The following GCNT4 variants were observed in gnomAD, a reference collection of about 807,000 sequenced individuals.
The protein encoded by GCNT4 is glucosaminyl (N-acetyl) transferase 4, also known as beta-1,3-galactosyl-O-glycosyl-glycoprotein beta-1,6-N-acetylglucosaminyltransferase 4.
A neutral mutation model predicts 31.3 loss-of-function variants in GCNT4; 17 were observed. The observed-to-expected ratio is 0.54, with a 90% confidence interval of 0.37 to 0.81. The LOEUF is 0.81. GCNT4 is among the 40% of genes least tolerant of loss of function. GCNT4 has a pLI of 0.00. For missense variants in GCNT4, 503 were observed against 525.5 expected, an observed-to-expected ratio of 0.96 and a Z score of 0.42; for synonymous variants, 158 against 190.6, an observed-to-expected ratio of 0.83 and a Z score of 1.41.
chr5:75,029,090 G>T lies in GCNT4; in HGVS notation c.948C>A (p.Phe316Leu). Residue 316 changes from phenylalanine to leucine, a missense_variant, in exon 4 of 4, where the codon TTC (phenylalanine) becomes TTA (leucine). Physicochemically the swap from Phe to Leu is conservative, Grantham distance 22 (BLOSUM62 0). Transcript: ENST00000652361. ...VLSQAFVKYIFNNSIVQDFFA... is the reference protein window; with the variant it reads ...VLSQAFVKYILNNSIVQDFFA... The stretch of plus-strand genomic sequence containing the variant: ...AAAAGTCTTGAACGATGGAGTTGTT[G>T]AAAATATATTTAACAAATGCTTGAC... The T allele has an allele frequency of 6.2e-7, 1 of 1,614,086 alleles. No homozygotes were observed. Among genetic ancestry groups the T allele is most frequent in the Non-Finnish European group, 8.5e-7 (1 of 1,179,990 alleles).
At chr5:75,051,807 C>T (rs1174524496) in intron 2 of GCNT4, among the ~76,000 whole-genome samples, 1 of 152,142 alleles carries the variant, frequency 6.6e-6, no homozygotes, top group African/African-American at 2.4e-5. Context: ...AGAGTATAAA[C>T]CTTCTCATCC....
downstream of GCNT4, among the ~76,000 whole-genome samples, chr5:75,025,066 A>G (rs1742927145): frequency 6.6e-6 from 1 of 152,198 alleles, no homozygotes; most frequent in African/African-American, 2.4e-5. Context: ...TCCATAAAGT[A>G]ATCAAGCAAA....
At chr5:75,019,719 A>G in the GCNT4 span, among the ~76,000 whole-genome samples, 12 of 152,238 alleles carry the variant, frequency 7.9e-5, no homozygotes, top group Non-Finnish European at 1.3e-4. Context: ...ATATTAATGC[A>G]ATATATGTAT....
downstream of GCNT4, among the ~76,000 whole-genome samples, chr5:75,024,950 CAAAAAAAAA>C (rs1239662355): frequency 2.5e-5 from 1 of 40,538 alleles, no homozygotes; most frequent in Non-Finnish European, 4.9e-5. Flanking sequence ...GACTCCATCT[CAAAAAAAAA>C]AAAAAAAAAA....
intron 3 of GCNT4, chr5:75,030,291 T>C (rs775369859): frequency 1.2e-4 from 51 of 436,090 alleles, no homozygotes; most frequent in African/African-American, 8.4e-4. Flanking sequence ...GGGAAGGTAA[T>C]GTAAACTCCT....
At position 75,026,799 on chromosome 5, in the gene GCNT4, T is replaced by G. The variant is rs1332649753; in HGVS notation, c.*1877A>C. On this transcript the variant is annotated 3_prime_UTR_variant, in exon 4 of 4. Coordinates refer to ENST00000652361, the MANE Select transcript of GCNT4 (RefSeq NM_001366737.1). ...CACGAGTGAACTGGTATGGATCTTT[T>G]GCAGAACTTGGCTCTATACAATGTT... The G allele has an allele frequency of 1.3e-5, 2 of 152,150 alleles. No homozygotes were observed. The highest frequency in any genetic ancestry group is 2.9e-5 in the Non-Finnish European group (2 of 68,036). The allele number at this position is 152,150 out of a possible 1,614,324, so 9.4% of individuals were successfully genotyped here. A position where few individuals can be genotyped will look rare whatever the true frequency, so the allele number is the denominator to read the frequency against.
At chr5:75,041,432 G>A (rs1475930002) in intron 3 of GCNT4, among the ~76,000 whole-genome samples, 2 of 152,174 alleles carry the variant, frequency 1.3e-5, no homozygotes, top group African/African-American at 2.4e-5. Flanking sequence ...CATCTTCCCT[G>A]AATAAAGGAC....
At chr5:75,039,595 A>T (rs1743273731) in intron 3 of GCNT4, among the ~76,000 whole-genome samples, 1 of 152,196 alleles carries the variant, frequency 6.6e-6, no homozygotes, top group Non-Finnish European at 1.5e-5. Flanking sequence ...ACTATGGTCC[A>T]ATTTCAGAGC....
At chr5:75,033,570 T>C (rs777573409) in intron 3 of GCNT4, among the ~76,000 whole-genome samples, 1 of 152,104 alleles carries the variant, frequency 6.6e-6, no homozygotes, top group Non-Finnish European at 1.5e-5. Flanking sequence ...TTGATATCCT[T>C]TGAAAGGAGC....
downstream of GCNT4, among the ~76,000 whole-genome samples, chr5:75,024,950 C>CAAA (rs1239662355): frequency 9.1e-4 from 37 of 40,500 alleles, no homozygotes; most frequent in East Asian, 2.8e-3. Flanking sequence ...GACTCCATCT[C>CAAA]AAAAAAAAAA....
downstream of GCNT4, among the ~76,000 whole-genome samples, chr5:75,024,534 T>C (rs886896140): frequency 6.6e-6 from 1 of 151,124 alleles, no homozygotes; most frequent in Non-Finnish European, 1.5e-5. Context: ...CGGGTGGGGG[T>C]TGATGATAAC....
chr5:75,039,919 A>G (rs537195898), intron 3 of GCNT4, among the ~76,000 whole-genome samples: 13 of 152,342 alleles, frequency 8.5e-5, no homozygotes, highest in African/African-American at 2.4e-4. Flanking sequence ...GTAGAATACA[A>G]TAAGAAATCC....
rs1319879331 is a variant in GCNT4 at position 75,029,170 on chromosome 5, C to T, written c.868G>A (p.Glu290Lys). 1.2e-6 allele frequency: 2 copies of T among 1,613,896 alleles called. No homozygotes were observed. The highest frequency in any genetic ancestry group is 1.7e-5 in the Admixed American group (1 of 60,022). The part of the protein sequence containing the change: ...KLPIRTNISK[E>K]APPHNIQIFV... ...ATCTGAATGTTATGGGGGGGTGCTT[C>T]CTTGGAGATGTTTGTCCTTATTGGT... Residue 290 changes from glutamate to lysine, a missense_variant, in exon 4 of 4, where the codon GAA becomes AAA. By Grantham distance (56) the Glu-to-Lys change is moderately conservative. Transcript: ENST00000652361.
intron 3 of GCNT4, 188 bp downstream of exon 3, chr5:75,047,709 T>G (rs1252384002): frequency 2.7e-5 from 4 of 148,904 alleles, no homozygotes; most frequent in Middle Eastern, 3.5e-3. Context: ...CATTTTAGGG[T>G]TTTTTTTTTA....
In GCNT4 at chr5:75,028,568, TA is replaced by T; in HGVS notation, c.*107del. ...TGTGTATGGAATTTTGGACACCTTT[TA>T]AAATATGGGAGGACTGAGTTTAAAC... On this transcript the variant is annotated 3_prime_UTR_variant, in exon 4 of 4. Coordinates refer to ENST00000652361, the MANE Select transcript of GCNT4 (RefSeq NM_001366737.1). 9.1e-7 allele frequency: 1 copy of T among 1,100,702 alleles called. No homozygotes were observed. The highest frequency in any genetic ancestry group is 1.3e-6 in the Non-Finnish European group (1 of 779,262). The allele number at this position is 1,100,702 out of a possible 1,614,324, so 68.2% of individuals were successfully genotyped here.
At chr5:75,052,943 C>G (rs1743615123), upstream of GCNT4, 1 of 151,966 alleles carries the variant, frequency 6.6e-6, no homozygotes, top group Non-Finnish European at 1.5e-5. Context: ...CCCCTGCTCC[C>G]GGCAAGGGCG....
At chr5:75,017,872 C>T in the GCNT4 span, among the ~76,000 whole-genome samples, 2 of 152,088 alleles carry the variant, frequency 1.3e-5, no homozygotes, top group Non-Finnish European at 2.9e-5. Flanking sequence ...TAAGCTTATC[C>T]TAATAAAAAG....
At chr5:75,039,968 G>A (rs1561376497) in intron 3 of GCNT4, among the ~76,000 whole-genome samples, 2 of 152,088 alleles carry the variant, frequency 1.3e-5, no homozygotes, top group Non-Finnish European at 2.9e-5. Flanking sequence ...TCCCATGGCT[G>A]CCTTACTCTA....
downstream of GCNT4, among the ~76,000 whole-genome samples, chr5:75,021,085 T>C (rs1742875665): frequency 6.6e-6 from 1 of 152,224 alleles, no homozygotes; most frequent in Admixed American, 6.5e-5. Context: ...TGAATTGGGC[T>C]GTGTAAATGA....
Sources: allele counts gnomAD v4.1 joint callset (sites outside exome capture counted in the v4.1 genomes callset), GRCh38; gene constraint gnomAD v4.1.1; transcripts MANE v1.5; gene names NCBI Gene and HGNC (gene_info 2026-07-23, HGNC 2026-07-21).